BCAS3: variants seen among roughly 807,000 people sequenced by gnomAD.
The protein encoded by BCAS3 is BCAS3 microtubule associated cell migration factor, also known as BCAS4/BCAS3 fusion.
In BCAS3, 53 loss-of-function variants were observed where a neutral mutation model predicts 116.1. The observed-to-expected ratio is 0.46, with a 90% CI of 0.37 to 0.57. The LOEUF (loss-of-function observed/expected upper bound fraction) is 0.57, where lower values mean the gene tolerates loss of function less well. BCAS3 is among the 20% of genes least tolerant of loss of function. BCAS3 has a pLI of 0.00. For missense variants in BCAS3, 917 were observed against 1,165.4 expected (o/e 0.79, Z 3.10); for synonymous variants, 391 against 408.2 (o/e 0.96, Z 0.51).
chr17:61,308,178 G>A (rs2053995052), intron 22 of BCAS3, among the ~76,000 whole-genome samples: 1 of 152,174 alleles, frequency 6.6e-6, no homozygotes, highest in African/African-American at 2.4e-5. Flanking sequence ...GACTCCTGGT[G>A]TTGTTGTTTA....
chr17:61,228,154 T>A lies in BCAS3; in HGVS notation c.2426-140173T>A, dbSNP rs142513086. ...TTCCTCAATTTTCAGCAAGTAGGAC[T>A]CCTTATTTGAAGGACAAGTACCTGG... On this transcript the variant is annotated intron_variant, in intron 22 of 23. Transcript: ENST00000407086. The surrounding 1 kb of genome is among the most constrained non-coding windows in gnomAD (Gnocchi z 5.0). 5.3e-4 allele frequency among the ~76,000 whole-genome samples: 81 copies of A among 152,314 alleles called. No individual in the cohort carries two copies. The highest frequency in any genetic ancestry group is 1.9e-3 in the African/African-American group (79 of 41,576).
intron 4 of BCAS3, among the ~76,000 whole-genome samples, chr17:60,694,135 T>G (rs1417637097): frequency 6.7e-6 from 1 of 150,188 alleles, no homozygotes; most frequent in African/African-American, 2.5e-5. Flanking sequence ...ATCTGCCCGC[T>G]TCGGCCTTCC....
At chr17:60,940,317 A>G (rs1052152764) in intron 13 of BCAS3, among the ~76,000 whole-genome samples, 1 of 152,218 alleles carries the variant, frequency 6.6e-6, no homozygotes, top group African/African-American at 2.4e-5. Flanking sequence ...AGCAAATTTG[A>G]TAACGATATA....
chr17:60,782,066 A>G (rs1413035442), intron 6 of BCAS3, among the ~76,000 whole-genome samples: 6 of 152,208 alleles, frequency 3.9e-5, no homozygotes, highest in African/African-American at 1.4e-4. Flanking sequence ...AGAAACCTAT[A>G]CCTGCTACAT....
intron 6 of BCAS3, among the ~76,000 whole-genome samples, chr17:60,769,746 T>C (rs149656059): frequency 2.1e-3 from 320 of 152,218 alleles, no homozygotes; most frequent in Non-Finnish European, 3.7e-3. Context: ...GGGAAGAACA[T>C]AGTCCTTTGG....
intron 6 of BCAS3, among the ~76,000 whole-genome samples, chr17:60,757,328 TAATA>T (rs1304670427): frequency 0.044 from 846 of 19,056 alleles, 9 homozygotes; most frequent in African/African-American, 0.047. Flanking sequence ...AAAATAATAA[TAATA>T]AATAAATAAA....
rs1029393268 is a variant in BCAS3 at position 61,087,302 on chromosome 17, G to T, written c.2425+2738G>T. 4 of 688,682 alleles carry T rather than the reference G, an allele frequency of 5.8e-6. No individual in the cohort carries two copies. The East Asian group carries it at 5.4e-4, about 92-fold the overall frequency. 42.7% of individuals were successfully genotyped at this position (688,682 alleles called of 1,614,324 possible). A position where few individuals can be genotyped will look rare whatever the true frequency, so the allele number is the denominator to read the frequency against. ...TGTATTACCTTCAAGCATTTTATAT[G>T]ACTTCATGGATTATCTTCTTAATTA... On this transcript the variant is annotated intron_variant, in intron 22 of 23. Coordinates refer to ENST00000407086, the MANE Select transcript of BCAS3 (RefSeq NM_017679.5). The surrounding 1 kb of genome is among the most constrained non-coding windows in gnomAD (Gnocchi z 4.6).
chr17:60,870,719 T>C (rs1567754578), intron 8 of BCAS3, among the ~76,000 whole-genome samples: 1 of 152,168 alleles, frequency 6.6e-6, no homozygotes, highest in Non-Finnish European at 1.5e-5. Context: ...ACAACCTCTA[T>C]AGACATGTGA....
intron 14 of BCAS3, among the ~76,000 whole-genome samples, chr17:60,978,820 C>T (rs1194443601): frequency 1.8e-4 from 25 of 142,446 alleles, no homozygotes; most frequent in South Asian, 4.7e-4. Flanking sequence ...TGTAGATATG[C>T]GGCGTTATTT....
At position 61,356,978 on chromosome 17, in the gene BCAS3, C is replaced by G. The variant is rs899363767; in HGVS notation, c.2426-11349C>G. 3 of 152,226 alleles carry G rather than the reference C, an allele frequency of 2.0e-5. No homozygotes were observed. Among genetic ancestry groups the G allele is most frequent in the African/African-American group, 4.8e-5 (2 of 41,462 alleles). 9.4% of individuals were successfully genotyped at this position (152,226 alleles called of 1,614,324 possible). A position where few individuals can be genotyped will look rare whatever the true frequency, so the allele number is the denominator to read the frequency against. On this transcript the variant is annotated intron_variant, in intron 22 of 23. Coordinates refer to ENST00000407086, the MANE Select transcript of BCAS3 (RefSeq NM_017679.5). This position sits in a 1 kb window ranked among gnomAD's most constrained non-coding sequence, Gnocchi z 5.4. ...GCACAGGACTTGACAGAGGAGGCAT[C>G]GCAGCAAGGTCAGGTGCCTCCCGTG...
intron 12 of BCAS3, among the ~76,000 whole-genome samples, chr17:60,916,747 C>T (rs537303966): frequency 1.8e-3 from 267 of 151,944 alleles, no homozygotes; most frequent in African/African-American, 5.8e-3. Context: ...TGGACACAAT[C>T]AAGAAAATGA....
chr17:60,898,977 G>T (rs769714849), intron 10 of BCAS3, among the ~76,000 whole-genome samples: 1 of 152,116 alleles, frequency 6.6e-6, no homozygotes, highest in Non-Finnish European at 1.5e-5. Flanking sequence ...TGTACCCAAA[G>T]AAGTGGATTG....
chr17:61,013,142 C>T lies in BCAS3; in HGVS notation c.1487-2609C>T, dbSNP rs1392608534. On this transcript the variant is annotated intron_variant, in intron 15 of 23. Coordinates refer to ENST00000407086, the MANE Select transcript of BCAS3 (RefSeq NM_017679.5). This position sits in a 1 kb window ranked among gnomAD's most constrained non-coding sequence, Gnocchi z 4.4. ...ATCCCATTTGCCCTTTTCCTTGAGC[C>T]CTTTTCCATATAAAGTTGTTCCCAC... Among the ~76,000 whole-genome samples, 1 of 152,008 alleles carries T rather than the reference C, an allele frequency of 6.6e-6. No homozygotes were observed. The highest frequency in any genetic ancestry group is 2.4e-5 in the African/African-American group (1 of 41,408).
chr17:61,313,683 G>A lies in BCAS3; in HGVS notation c.2426-54644G>A, dbSNP rs554333563. 3.3e-4 allele frequency among the ~76,000 whole-genome samples: 50 copies of A among 152,310 alleles called. No individual in the cohort carries two copies. The East Asian group carries it at 7.1e-3, about 22-fold the overall frequency. On this transcript the variant is annotated intron_variant, in intron 22 of 23. Coordinates refer to ENST00000407086, the MANE Select transcript of BCAS3 (RefSeq NM_017679.5). The surrounding 1 kb of genome is among the most constrained non-coding windows in gnomAD (Gnocchi z 4.3). Reference sequence around the variant, plus strand: ...TACAGCATCTGGAGGAGGACTTTCCGGCCAGGGTACAGCTCCTCTAGGCTG... The same window carrying A: ...TACAGCATCTGGAGGAGGACTTTCCAGCCAGGGTACAGCTCCTCTAGGCTG...
At chr17:61,357,270 T>TA (rs1568930756) in intron 22 of BCAS3, among the ~76,000 whole-genome samples, 289 of 147,012 alleles carry the variant, frequency 2.0e-3, no homozygotes, top group Middle Eastern at 7.1e-3. Flanking sequence ...ATAAATAAAT[T>TA]AATTAATTAA....
rs551975296 is a variant in BCAS3, at chr17:61,226,286, A to T, written c.2425+141722A>T. On this transcript the variant is annotated intron_variant, in intron 22 of 23. Coordinates refer to ENST00000407086, the MANE Select transcript of BCAS3 (RefSeq NM_017679.5). The surrounding 1 kb of genome is among the most constrained non-coding windows in gnomAD (Gnocchi z 6.0). Reference sequence around the variant, plus strand: ...AAATTCTCTATAAAAAATTCAGGAAATAATTGTTTTGTGATACCTAATTTT... The same window carrying T: ...AAATTCTCTATAAAAAATTCAGGAATTAATTGTTTTGTGATACCTAATTTT... Among the ~76,000 whole-genome samples the T allele has an allele frequency of 6.6e-6, 1 of 152,354 alleles. No individual in the cohort carries two copies. The highest frequency in any genetic ancestry group is 2.1e-4 in the South Asian group (1 of 4,828).
At chr17:60,998,238 A>G (rs1300464567) in intron 15 of BCAS3, among the ~76,000 whole-genome samples, 1 of 152,204 alleles carries the variant, frequency 6.6e-6, no homozygotes, top group Non-Finnish European at 1.5e-5. Flanking sequence ...TAAACAATCT[A>G]ATCCACCATT....
intron 7 of BCAS3, among the ~76,000 whole-genome samples, chr17:60,812,087 A>G (rs1454305155): frequency 6.6e-6 from 1 of 152,020 alleles, no homozygotes; most frequent in Non-Finnish European, 1.5e-5. Context: ...TTGTTTTCAT[A>G]AGTTGTTTTA....
intron 7 of BCAS3, among the ~76,000 whole-genome samples, chr17:60,825,557 A>AAATAAAATATT (rs1320972876): frequency 4.3e-3 from 620 of 143,830 alleles, no homozygotes; most frequent in Middle Eastern, 0.022. Flanking sequence ...TATTTATAAT[A>AAATAAAATATT]ATTTATAAAT....
Sources: gnomAD v4.1 joint callset for allele counts (sites outside exome capture counted in the v4.1 genomes callset) on GRCh38, gnomAD v4.1.1 for gene constraint, Gnocchi (gnomAD v3.1) non-coding constraint, MANE v1.5 for transcripts, NCBI Gene and HGNC (gene_info 2026-07-23, HGNC 2026-07-21) for gene names.